The following SNCAIP variants were observed in gnomAD, a reference collection of about 807,000 sequenced individuals.
SNCAIP encodes synphilin-1.
Under a neutral mutation model 86.7 loss-of-function variants are expected in SNCAIP, and 43 were observed. The observed-to-expected ratio is 0.50, with a 90% CI of 0.39 to 0.64. SNCAIP has a LOEUF of 0.64. Ranked by LOEUF, SNCAIP falls within the 30% of genes least tolerant of loss-of-function variation. The pLI is 0.00. For synonymous variants in SNCAIP, 417 were observed against 427.2 expected, an observed-to-expected ratio of 0.98 and a Z score of 0.29; for missense variants, 981 against 1,103.1, an observed-to-expected ratio of 0.89 and a Z score of 1.57.
rs1246217480 is a variant in SNCAIP at position 122,414,658 on chromosome 5, T to C, written c.131-8210T>C. Reference sequence around the variant, plus strand: ...CAAAATGAGTACGACCACTGATTTCTGGGATTCCATTGCATATAGGTGACC... The same window carrying C: ...CAAAATGAGTACGACCACTGATTTCCGGGATTCCATTGCATATAGGTGACC... On this transcript the variant is annotated intron_variant, in intron 3 of 10. Coordinates refer to ENST00000261368, the MANE Select transcript of SNCAIP (RefSeq NM_005460.4). Among the ~76,000 whole-genome samples, 5 of 152,232 alleles carry C rather than the reference T, an allele frequency of 3.3e-5. No individual in the cohort carries two copies. The East Asian group carries it at 9.6e-4, about 29-fold the overall frequency.
chr5:122,333,478 C>T (rs1244980395), intron 1 of SNCAIP, among the ~76,000 whole-genome samples: 1 of 152,172 alleles, frequency 6.6e-6, no homozygotes, highest in African/African-American at 2.4e-5. Flanking sequence ...TCCTTTGTAC[C>T]TCACACAGCT....
chr5:122,394,886 ACT>A (rs1189726671), intron 2 of SNCAIP, among the ~76,000 whole-genome samples: 2 of 152,076 alleles, frequency 1.3e-5, no homozygotes, highest in African/African-American at 4.8e-5. Flanking sequence ...TGCGAGGCAA[ACT>A]CTGTTTTTAT....
chr5:122,372,271 C>T (rs1047637119), intron 1 of SNCAIP, among the ~76,000 whole-genome samples: 4 of 152,112 alleles, frequency 2.6e-5, no homozygotes, highest in South Asian at 4.1e-4. Context: ...AGCTCTCCTC[C>T]GAAAAAGCTA....
intron 5 of SNCAIP, among the ~76,000 whole-genome samples, chr5:122,427,670 G>C (rs1777631665): frequency 1.3e-5 from 2 of 152,132 alleles, no homozygotes; most frequent in South Asian, 4.1e-4. Flanking sequence ...TTAGGACCTT[G>C]TTTTGAACAC....
At chr5:122,440,570 TTTTTATC>T in intron 6 of SNCAIP, 52 bp from the exon 7 acceptor site, 2 of 1,553,320 alleles carry the variant, frequency 1.3e-6, no homozygotes, top group East Asian at 4.5e-5. Context: ...TTCCTCTGTC[TTTTTATC>T]TAACTTCTCT....
At chr5:122,361,032 T>G (rs1762104265) in intron 1 of SNCAIP, among the ~76,000 whole-genome samples, 1 of 152,110 alleles carries the variant, frequency 6.6e-6, no homozygotes, top group South Asian at 2.1e-4. Flanking sequence ...AATAAGGCTA[T>G]TAATACCTAT....
chr5:122,386,814 C>T (rs1170224026), intron 1 of SNCAIP, among the ~76,000 whole-genome samples: 1 of 145,286 alleles, frequency 6.9e-6, no homozygotes, highest in Non-Finnish European at 1.5e-5. Flanking sequence ...TCATCTCTCC[C>T]CACTTCAAAA....
At chr5:122,386,567 A>C (rs1273585734) in intron 1 of SNCAIP, among the ~76,000 whole-genome samples, 1 of 152,214 alleles carries the variant, frequency 6.6e-6, no homozygotes, top group African/African-American at 2.4e-5. Flanking sequence ...AAAGCCGGGC[A>C]TCAGTTTGGA....
intron 8 of SNCAIP, among the ~76,000 whole-genome samples, chr5:122,449,404 AT>A (rs1211049364): frequency 1.3e-5 from 2 of 152,148 alleles, no homozygotes; most frequent in African/African-American, 4.8e-5. Context: ...TGCAAATAGT[AT>A]TTTGTAGTTT....
intron 1 of SNCAIP, among the ~76,000 whole-genome samples, chr5:122,323,628 T>A (rs2152678162): frequency 6.6e-6 from 1 of 152,366 alleles, no homozygotes; most frequent in Middle Eastern, 3.4e-3. Flanking sequence ...AAAATAAGCA[T>A]CACGATGTGT....
intron 7 of SNCAIP, among the ~76,000 whole-genome samples, chr5:122,441,544 TG>T (rs1282974666): frequency 1.3e-5 from 2 of 151,902 alleles, no homozygotes; most frequent in Non-Finnish European, 2.9e-5. Flanking sequence ...CCCTAGAGAG[TG>T]TAGGGTTCCT....
chr5:122,436,546 A>T (rs556501681), intron 6 of SNCAIP: 24 of 152,194 alleles, frequency 1.6e-4, no homozygotes, highest in Non-Finnish European at 2.8e-4. Flanking sequence ...TTTTGATTCT[A>T]CATATATCTT....
intron 2 of SNCAIP, among the ~76,000 whole-genome samples, chr5:122,397,173 GAT>G: frequency 6.6e-6 from 1 of 152,082 alleles, no homozygotes; most frequent in East Asian, 1.9e-4. Flanking sequence ...GTGAAGTCAG[GAT>G]ATAATGCAGG....
At chr5:122,416,518 A>G (rs1581115368) in intron 3 of SNCAIP, among the ~76,000 whole-genome samples, 1 of 152,156 alleles carries the variant, frequency 6.6e-6, no homozygotes, top group East Asian at 1.9e-4. Flanking sequence ...TTTTCCCAAG[A>G]CAGTGCCCCA....
chr5:122,387,228 G>A (rs748931535), intron 1 of SNCAIP, among the ~76,000 whole-genome samples: 4 of 151,314 alleles, frequency 2.6e-5, no homozygotes, highest in Admixed American at 6.6e-5. Flanking sequence ...GTGTGATCTC[G>A]GCTCACTGCA....
intron 1 of SNCAIP, among the ~76,000 whole-genome samples, chr5:122,369,574 G>A (rs769798319): frequency 1.3e-5 from 2 of 152,176 alleles, no homozygotes; most frequent in African/African-American, 4.8e-5. Flanking sequence ...TAAATCTTAT[G>A]CCAAAGTAAA....
chr5:122,381,071 G>A (rs1766654677), intron 1 of SNCAIP, among the ~76,000 whole-genome samples: 1 of 150,446 alleles, frequency 6.6e-6, no homozygotes, highest in East Asian at 1.9e-4. Context: ...TTGGTGCAGA[G>A]CTGAGTTGAA....
intron 2 of SNCAIP, among the ~76,000 whole-genome samples, chr5:122,398,039 G>A (rs112669552): frequency 7.6e-4 from 116 of 152,252 alleles, no homozygotes; most frequent in African/African-American, 2.7e-3. Context: ...TGAGTGGTGG[G>A]CAGAATCCTA....
chr5:122,372,917 G>C (rs1764547811), intron 1 of SNCAIP, among the ~76,000 whole-genome samples: 1 of 151,790 alleles, frequency 6.6e-6, no homozygotes, highest in Non-Finnish European at 1.5e-5. Flanking sequence ...ATCAGAACAG[G>C]CAATAGTACT....
Sources: gnomAD v4.1 joint callset for allele counts (sites outside exome capture counted in the v4.1 genomes callset) on GRCh38, gnomAD v4.1.1 for gene constraint, MANE v1.5 for transcripts, NCBI Gene and HGNC (gene_info 2026-07-23, HGNC 2026-07-21) for gene names.